The following FAM234B variants were observed in gnomAD, a reference collection of about 807,000 sequenced individuals.
The protein encoded by FAM234B is protein FAM234B.
In FAM234B, 33 loss-of-function variants were observed where a neutral mutation model predicts 69.3. The observed-to-expected ratio is 0.48, with a 90% confidence interval of 0.36 to 0.64. FAM234B has a LOEUF of 0.64. Ranked by LOEUF, FAM234B falls within the 30% of genes least tolerant of loss-of-function variation. The pLI is 0.00. For missense variants in FAM234B, 697 were observed against 769.7 expected, an observed-to-expected ratio of 0.91 and a Z score of 1.12; for synonymous variants, 306 against 306.9, an observed-to-expected ratio of 1.00 and a Z score of 0.03.
At chr12:13,062,285 A>G (rs980633857) in intron 4 of FAM234B, 1 of 157,038 alleles carries the variant, frequency 6.4e-6, no homozygotes, top group African/African-American at 2.4e-5. Flanking sequence ...CCATAGGCTT[A>G]GTACTGCTGG....
chr12:13,063,854 A>G (rs1231634360), intron 5 of FAM234B, among the ~76,000 whole-genome samples: 3 of 152,208 alleles, frequency 2.0e-5, no homozygotes, highest in Non-Finnish European at 4.4e-5. Flanking sequence ...ATCGGCAAAG[A>G]ATGTTTGTGG....
intron 5 of FAM234B, among the ~76,000 whole-genome samples, chr12:13,066,403 T>C (rs1157618253): frequency 6.6e-6 from 1 of 152,222 alleles, no homozygotes; most frequent in East Asian, 1.9e-4. Flanking sequence ...TCAGAGTAGC[T>C]GTCTGAGGTG....
chr12:13,066,483 G>A (rs1865037453), intron 5 of FAM234B, among the ~76,000 whole-genome samples, 157 bp from the exon 6 acceptor site: 2 of 152,206 alleles, frequency 1.3e-5, no homozygotes. Flanking sequence ...TACTTGCAGG[G>A]AAATAAAGCG....
chr12:13,080,854 C>T lies in FAM234B; in HGVS notation c.*224C>T, dbSNP rs1865218094. On this transcript the variant is annotated 3_prime_UTR_variant, in exon 13 of 13. Transcript: ENST00000197268. ...CCTTTTCAGTCCCTGCATTAATCCC[C>T]TCTAGGAACTCTGCGTGGATCGTTT... 1 of 482,112 alleles carries T rather than the reference C, an allele frequency of 2.1e-6. No homozygotes were observed. The highest frequency in any genetic ancestry group is 2.0e-5 in the African/African-American group (1 of 50,246). The allele number at this position is 482,112 out of a possible 1,614,324, so 29.9% of individuals were successfully genotyped here. A position where few individuals can be genotyped will look rare whatever the true frequency, so the allele number is the denominator to read the frequency against.
chr12:13,057,327 G>T (rs1214101478), intron 2 of FAM234B, among the ~76,000 whole-genome samples: 2 of 152,060 alleles, frequency 1.3e-5, no homozygotes, highest in African/African-American at 4.8e-5. Flanking sequence ...AATTTATTGA[G>T]ATTCATCTAT....
Position 13,079,936 on chromosome 12 carries a change from C to A in FAM234B, c.1790C>A (p.Ser597Tyr), listed in dbSNP as rs1231693941. The A allele has an allele frequency of 1.2e-6, 2 of 1,613,600 alleles. No individual in the cohort carries two copies. The highest frequency in any genetic ancestry group is 1.1e-5 in the South Asian group (1 of 90,994). The change falls in exon 12 of 13, where the codon TCC (serine) becomes TAC (tyrosine). Residue 597 changes from serine to tyrosine, a missense_variant. This residue lies in a region of FAM234B where 313 missense variants were observed against 305.5 expected (regional missense o/e 1.02). Transcript: ENST00000197268. ...MEGQMAQLQESTPKIGRGELR... is the reference protein window; with the variant it reads ...MEGQMAQLQEYTPKIGRGELR... ...GGCCAGATGGCTCAGCTACAGGAGT[C>A]CACCCCCAAAATTGGCCGTGGGGAG...
Position 13,044,519 on chromosome 12 carries a change from C to T in FAM234B, c.37+79C>T, listed in dbSNP as rs1864780249. 6 of 1,480,038 alleles carry T rather than the reference C, an allele frequency of 4.1e-6. No individual in the cohort carries two copies. In the African/African-American group the frequency reaches 4.2e-5, roughly 10 times the overall value. 91.7% of individuals were successfully genotyped at this position (1,480,038 alleles called of 1,614,324 possible). On this transcript the variant is annotated intron_variant, in intron 1 of 12. Coordinates refer to ENST00000197268, the MANE Select transcript of FAM234B (RefSeq NM_020853.2). This position sits in a 1 kb window ranked among gnomAD's most constrained non-coding sequence, Gnocchi z 5.6. ...GGAGGCGAGGCTCTGGGGGCGAGGC[C>T]GGTCGGGCCCTGGCCTCAACCCAGA...
In FAM234B at chr12:13,066,551, A is replaced by C. The variant is rs188900379; in HGVS notation, c.853-89A>C. 1,410 of 1,398,318 alleles carry C rather than the reference A, an allele frequency of 1.0e-3. 2 individuals carry two copies. Among genetic ancestry groups the C allele is most frequent in the Non-Finnish European group, 1.2e-3 (1,241 of 1,039,470 alleles). 86.6% of individuals were successfully genotyped at this position (1,398,318 alleles called of 1,614,324 possible). A position where few individuals can be genotyped will look rare whatever the true frequency, so the allele number is the denominator to read the frequency against. ...GGGAGTGTTTCTGAGCCCGTGGCTT[A>C]TGAGGAGGCAGTGACTGTCTGGAGA... On this transcript the variant is annotated intron_variant, in intron 5 of 12. Transcript: ENST00000197268.
chr12:13,061,885 G>C (rs1371577208), intron 4 of FAM234B, 122 bp downstream of exon 4: 9 of 769,258 alleles, frequency 1.2e-5, no homozygotes, highest in South Asian at 1.8e-5. Flanking sequence ...TACTGATCTG[G>C]AATATGGTTA....
At chr12:13,075,442 T>TTA (rs1178322407) in intron 10 of FAM234B, among the ~76,000 whole-genome samples, 83 of 148,988 alleles carry the variant, frequency 5.6e-4, no homozygotes, top group African/African-American at 1.3e-3. Flanking sequence ...TCTTTTTTTT[T>TTA]TTTTTTATTT....
intron 3 of FAM234B, 36 bp downstream of exon 3, chr12:13,058,585 G>T (rs758137639): frequency 1.3e-6 from 2 of 1,535,716 alleles, no homozygotes; most frequent in African/African-American, 2.7e-5. Flanking sequence ...TGCTACAGGG[G>T]CACTGTCAGC....
At chr12:13,077,955 G>A (rs913448194) in intron 11 of FAM234B, among the ~76,000 whole-genome samples, 11 of 151,646 alleles carry the variant, frequency 7.3e-5, no homozygotes, top group South Asian at 4.2e-4. Flanking sequence ...TTTAATGATT[G>A]CCATTCTAAC....
chr12:13,052,585 G>C (rs1048747645), intron 1 of FAM234B, among the ~76,000 whole-genome samples: 2 of 152,076 alleles, frequency 1.3e-5, no homozygotes, highest in African/African-American at 4.8e-5. Context: ...TACTTACTCA[G>C]TAACAACTTT....
rs1004842146 is a variant in FAM234B, at chr12:13,081,505, C to T, written c.*875C>T. ...TTAGAGGAGAACTGGAAGTCAGGAGCCTTTGATGTCCTTATCCTGCTGTAT... is the reference window on the plus strand; with the variant it reads ...TTAGAGGAGAACTGGAAGTCAGGAGTCTTTGATGTCCTTATCCTGCTGTAT... On this transcript the variant is annotated 3_prime_UTR_variant, in exon 13 of 13. Coordinates refer to ENST00000197268, the MANE Select transcript of FAM234B (RefSeq NM_020853.2). 5 of 152,136 alleles carry T rather than the reference C, an allele frequency of 3.3e-5. No homozygotes were observed. Among genetic ancestry groups the T allele is most frequent in the African/African-American group, 1.2e-4 (5 of 41,420 alleles). The allele number at this position is 152,136 out of a possible 1,614,324, so 9.4% of individuals were successfully genotyped here. A position where few individuals can be genotyped will look rare whatever the true frequency, so the allele number is the denominator to read the frequency against.
chr12:13,056,114 A>G (rs757571309), intron 2 of FAM234B, among the ~76,000 whole-genome samples, 168 bp downstream of exon 2: 46 of 152,224 alleles, frequency 3.0e-4, no homozygotes, highest in Non-Finnish European at 5.4e-4. Flanking sequence ...GAAAGAAAAC[A>G]AACACCTCCA....
rs1865068808 is a variant in FAM234B at position 13,068,677 on chromosome 12, T to C, written c.1334T>C (p.Leu445Pro). 1 of 1,612,314 alleles carries C rather than the reference T, an allele frequency of 6.2e-7. No homozygotes were observed. The change falls in exon 9 of 13, where the codon CTT (leucine) becomes CCT (proline). Residue 445 changes from leucine to proline, a missense_variant. By Grantham distance (98) the Leu-to-Pro change is moderately conservative. Transcript: ENST00000197268. Reference protein sequence around the residue: ...YFTDDQTLDFLLQIQDGVGMK... With the variant: ...YFTDDQTLDFPLQIQDGVGMK... ...ACTGATGATCAGACATTAGATTTCC[T>C]TCTGCAGATACAGGATGGAGTTGGG...
Position 13,081,821 on chromosome 12 carries a change from C to T in FAM234B, c.*1191C>T, listed in dbSNP as rs954091430. On this transcript the variant is annotated 3_prime_UTR_variant, in exon 13 of 13. Transcript: ENST00000197268. ...TCTGCTACTTCAATTAAGTTCTCCTCTAAACTTTTAGGTCATTGTTTATAT... is the reference window on the plus strand; with the variant it reads ...TCTGCTACTTCAATTAAGTTCTCCTTTAAACTTTTAGGTCATTGTTTATAT... 3 of 152,132 alleles carry T rather than the reference C, an allele frequency of 2.0e-5. No individual in the cohort carries two copies. Among genetic ancestry groups the T allele is most frequent in the South Asian group, 2.1e-4 (1 of 4,834 alleles). The allele number at this position is 152,132 out of a possible 1,614,324, so 9.4% of individuals were successfully genotyped here. A position where few individuals can be genotyped will look rare whatever the true frequency, so the allele number is the denominator to read the frequency against.
At chr12:13,079,138 T>G (rs1865195383) in intron 11 of FAM234B, among the ~76,000 whole-genome samples, 1 of 151,982 alleles carries the variant, frequency 6.6e-6, no homozygotes, top group African/African-American at 2.4e-5. Flanking sequence ...GACTTCAAAC[T>G]ATACTACAAG....
intron 5 of FAM234B, among the ~76,000 whole-genome samples, chr12:13,063,865 A>G (rs1005346886): frequency 2.0e-5 from 3 of 152,242 alleles, no homozygotes; most frequent in Non-Finnish European, 2.9e-5. Context: ...ATGTTTGTGG[A>G]AAAATGTGGA....
Sources: gnomAD v4.1 joint callset for allele counts (sites outside exome capture counted in the v4.1 genomes callset) on GRCh38, gnomAD v4.1.1 for gene constraint, gnomAD v4.1.1 regional missense constraint, Gnocchi (gnomAD v3.1) non-coding constraint, MANE v1.5 for transcripts, NCBI Gene and HGNC (gene_info 2026-07-23, HGNC 2026-07-21) for gene names.